The following HCFC2 variants were observed in gnomAD, a reference collection of about 807,000 sequenced individuals.
HCFC2 encodes the protein host cell factor 2.
A neutral mutation model predicts 89.2 loss-of-function variants in HCFC2; 18 were observed. The observed-to-expected ratio is 0.20, with a 90% CI of 0.14 to 0.30. The LOEUF is 0.30. Ranked by LOEUF, HCFC2 falls within the 10% of genes least tolerant of loss-of-function variation. The pLI is 1.00. For missense variants in HCFC2, 578 were observed against 956.1 expected, an observed-to-expected ratio of 0.60 and a Z score of 5.21; for synonymous variants, 308 against 335.7, an observed-to-expected ratio of 0.92 and a Z score of 0.90.
In HCFC2 at chr12:104,093,366, A is replaced by G. The variant is rs1159820778; in HGVS notation, c.1285-20A>G. 1 of 1,567,650 alleles carries G rather than the reference A, an allele frequency of 6.4e-7. No individual in the cohort carries two copies. The highest frequency in any genetic ancestry group is 8.7e-7 in the Non-Finnish European group (1 of 1,149,468). On this transcript the variant is annotated intron_variant, in intron 9 of 14. Transcript: ENST00000229330. ...TCATTGAATATTGCTTACTACAGTA[A>G]TCTGTTATATTTCTTGTAGATCAAT...
chr12:104,071,353 G>C (rs143363238), intron 3 of HCFC2, among the ~76,000 whole-genome samples: 63 of 152,294 alleles, frequency 4.1e-4, no homozygotes, highest in African/African-American at 1.5e-3. Flanking sequence ...AATGGGGCAA[G>C]CTTCTCAAGG....
At position 104,082,719 on chromosome 12, in the gene HCFC2, C is replaced by T. The variant is rs762583470; in HGVS notation, c.881C>T (p.Thr294Ile). The change falls in exon 7 of 15, where the codon ACA becomes ATA. Residue 294 changes from threonine (T) to isoleucine (I), a missense_variant. Transcript: ENST00000229330. ...GATATTTCTATCTTTTCAGATACAA[C>T]AGAGTGGACCACCCTAGTATCAGAT... ...SSFSYLNLDT[T>I]EWTTLVSDSQ... 2.5e-6 allele frequency: 4 copies of T among 1,610,630 alleles called. No individual in the cohort carries two copies. Among genetic ancestry groups the T allele is most frequent in the African/African-American group, 1.3e-5 (1 of 74,746 alleles).
chr12:104,092,567 G>A (rs1269546970), intron 9 of HCFC2, among the ~76,000 whole-genome samples: 1 of 152,162 alleles, frequency 6.6e-6, no homozygotes, highest in Non-Finnish European at 1.5e-5. Context: ...GAGGTCAGGA[G>A]TTCAAGACCA....
chr12:104,092,356 C>G (rs1015661627), intron 9 of HCFC2, among the ~76,000 whole-genome samples: 1 of 152,124 alleles, frequency 6.6e-6, no homozygotes, highest in African/African-American at 2.4e-5. Context: ...GCCCCAGCTA[C>G]TTGGGAGGCT....
chr12:104,088,172 T>TAAAC (rs1344159819), intron 9 of HCFC2, 134 bp downstream of exon 9: 3 of 429,038 alleles, frequency 7.0e-6, no homozygotes, highest in Non-Finnish European at 8.4e-6. Context: ...ATCTCTGAGG[T>TAAAC]AAACAAACAA....
At chr12:104,083,334 C>T (rs555827904) in intron 7 of HCFC2, among the ~76,000 whole-genome samples, 5 of 152,196 alleles carry the variant, frequency 3.3e-5, no homozygotes, top group African/African-American at 1.2e-4. Flanking sequence ...TATGAGAAAA[C>T]ATCAACAAGC....
intron 5 of HCFC2, 73 bp downstream of exon 5, chr12:104,080,903 T>C (rs1465595217): frequency 5.6e-6 from 5 of 891,148 alleles, no homozygotes; most frequent in East Asian, 2.6e-5. Flanking sequence ...AAGAAAGTAA[T>C]GCTAGTAGTT....
At chr12:104,085,741 T>C (rs1397915100) in intron 7 of HCFC2, among the ~76,000 whole-genome samples, 1 of 143,818 alleles carries the variant, frequency 7.0e-6, no homozygotes, top group Admixed American at 7.1e-5. Context: ...AAACTTTGCA[T>C]TTGATAGCAT....
chr12:104,101,037 G>A (rs2029921123), intron 13 of HCFC2, among the ~76,000 whole-genome samples: 1 of 151,764 alleles, frequency 6.6e-6, no homozygotes, highest in Non-Finnish European at 1.5e-5. Context: ...CTCCCTTAAA[G>A]TACGAGAACA....
At chr12:104,089,439 C>A (rs1321535939) in intron 9 of HCFC2, among the ~76,000 whole-genome samples, 1 of 151,364 alleles carries the variant, frequency 6.6e-6, no homozygotes, top group African/African-American at 2.4e-5. Flanking sequence ...TGGTGTGAAC[C>A]CAAGAGACGG....
rs912017986 is a variant in HCFC2 at position 104,104,829 on chromosome 12, A to G, written c.*1556A>G. ...GAGTGGTTTCCAAACTCTAAAGATA[A>G]AATAAATGCACTACTATGGTGTTGT... On this transcript the variant is annotated 3_prime_UTR_variant, in exon 15 of 15. Transcript: ENST00000229330. 6.6e-6 allele frequency: 1 copy of G among 152,052 alleles called. No individual in the cohort carries two copies. Among genetic ancestry groups the G allele is most frequent in the Non-Finnish European group, 1.5e-5 (1 of 67,896 alleles). 9.4% of individuals were successfully genotyped at this position (152,052 alleles called of 1,614,324 possible).
In HCFC2 at chr12:104,102,117, T is replaced by C; in HGVS notation, c.2028T>C (p.Gly676=). The change falls in exon 14 of 15, where the codon GGT becomes GGC. Residue 676 remains glycine, a synonymous_variant. Transcript: ENST00000229330. ...KISEFKTCIP[G]FPGAPSAVRI... is the part of the protein sequence containing the mutation. The stretch of plus-strand genomic sequence containing the variant: ...GTGAATTTAAAACTTGTATTCCTGG[T>C]TTTCCTGGAGCTCCTTCTGCAGTCA... The C allele has an allele frequency of 6.2e-7, 1 of 1,613,810 alleles. No homozygotes were observed. The highest frequency in any genetic ancestry group is 8.5e-7 in the Non-Finnish European group (1 of 1,179,820).
intron 10 of HCFC2, 78 bp downstream of exon 10, chr12:104,093,641 T>C (rs1566234815): frequency 1.6e-6 from 2 of 1,286,346 alleles, no homozygotes; most frequent in East Asian, 2.3e-5. Flanking sequence ...AAGTAAATGT[T>C]GTACAGTTTT....
In HCFC2 at chr12:104,102,944, C is replaced by A. The variant is rs879242105; in HGVS notation, c.2065-15C>A. ...CTTAAGAACCTTTAACCTGTTTTTT[C>A]CCCCCCCCTTCAAGAATGTTGAAGG... On this transcript the variant is annotated splice_polypyrimidine_tract_variant and intron_variant, in intron 14 of 14. Transcript: ENST00000229330. 2.8e-6 allele frequency: 4 copies of A among 1,450,440 alleles called. No individual in the cohort carries two copies. Among genetic ancestry groups the A allele is most frequent in the East Asian group, 2.5e-5 (1 of 39,864 alleles). The allele number at this position is 1,450,440 out of a possible 1,614,324, so 89.8% of individuals were successfully genotyped here. A position where few individuals can be genotyped will look rare whatever the true frequency, so the allele number is the denominator to read the frequency against.
Position 104,093,536 on chromosome 12 carries a change from G to A in HCFC2, c.1435G>A (p.Val479Met), listed in dbSNP as rs758850759. ...AAATGCTTCTAATCATAATAGTCAT[G>A]TGGTGGATATGCTAAGGAAAAATGA... Reference protein sequence around the residue: ...ASNASNHNSHVVDMLRKNEGP... With the variant: ...ASNASNHNSHMVDMLRKNEGP... Residue 479 changes from valine (V) to methionine (M), a missense_variant, in exon 10 of 15, where the codon GTG (valine) becomes ATG (methionine). Val to Met is a conservative substitution (Grantham distance 21). Transcript: ENST00000229330. The A allele has an allele frequency of 6.2e-7, 1 of 1,611,726 alleles. No homozygotes were observed. Among genetic ancestry groups the A allele is most frequent in the African/African-American group, 1.3e-5 (1 of 74,836 alleles).
chr12:104,093,240 T>C (rs1884076073), intron 9 of HCFC2, 146 bp from the exon 10 acceptor site: 1 of 546,632 alleles, frequency 1.8e-6, no homozygotes, highest in Non-Finnish European at 3.1e-6. Context: ...TGAAGAATAA[T>C]CCTGTAGAAA....
intron 5 of HCFC2, among the ~76,000 whole-genome samples, chr12:104,081,765 C>T (rs987074284): frequency 6.6e-6 from 1 of 151,760 alleles, no homozygotes; most frequent in Admixed American, 6.6e-5. Flanking sequence ...TGTAGCCAGG[C>T]GTGGTGGCTC....
At chr12:104,069,845 C>T (rs1423411330) in intron 3 of HCFC2, among the ~76,000 whole-genome samples, 3 of 152,046 alleles carry the variant, frequency 2.0e-5, no homozygotes, top group African/African-American at 7.2e-5. Context: ...GCTCTCCCTC[C>T]CCTTGCCCTG....
In HCFC2 at chr12:104,098,682, G is replaced by A. The variant is rs116110462; in HGVS notation, c.1878+202G>A. The stretch of plus-strand genomic sequence containing the variant: ...GAATTCTGTATACCAAATGTATTAG[G>A]CCATTCTCGCATTGCTGTAAAGAAA... On this transcript the variant is annotated intron_variant, in intron 13 of 14. Coordinates refer to ENST00000229330, the MANE Select transcript of HCFC2 (RefSeq NM_013320.3). 4.9e-3 allele frequency among the ~76,000 whole-genome samples: 741 copies of A among 152,186 alleles called. 3 individuals are homozygous for A. The highest frequency in any genetic ancestry group is 0.017 in the African/African-American group (698 of 41,524).
Sources: allele counts gnomAD v4.1 joint callset (sites outside exome capture counted in the v4.1 genomes callset), GRCh38; gene constraint gnomAD v4.1.1; transcripts MANE v1.5; gene names NCBI Gene and HGNC (gene_info 2026-07-23, HGNC 2026-07-21).